ADCY3: variants seen among roughly 807,000 people sequenced by gnomAD.
ADCY3 encodes the protein adenylate cyclase type 3.
In ADCY3, 70 loss-of-function variants were observed where a neutral mutation model predicts 119.4. The ratio of observed to expected loss-of-function variants is 0.59; its 90% CI spans 0.48 to 0.72. The LOEUF is 0.72. Among genes scored for constraint, ADCY3 ranks in the 30% least tolerant of loss-of-function variants. The pLI, the probability that ADCY3 is intolerant of heterozygous loss-of-function variation, is 0.00. For missense variants in ADCY3, 1,238 were observed against 1,541.6 expected (o/e 0.80, Z 3.30); for synonymous variants, 672 against 621.4 (o/e 1.08, Z -1.21).
chr2:24,828,203 ACAG>A, intron 13 of ADCY3, 42 bp from the exon 14 acceptor site: 2 of 1,604,746 alleles, frequency 1.2e-6, no homozygotes, highest in Non-Finnish European at 8.5e-7. Flanking sequence ...GTTCAAGAGA[ACAG>A]CAGGTGCTGG....
At chr2:24,835,693 T>C (rs1487453266) in intron 9 of ADCY3, among the ~76,000 whole-genome samples, 1 of 152,120 alleles carries the variant, frequency 6.6e-6, no homozygotes, top group African/African-American at 2.4e-5. Flanking sequence ...CCCAGCACTC[T>C]GGGAGGCTGA....
At chr2:24,856,129 CGA>C (rs1004156480) in intron 3 of ADCY3, among the ~76,000 whole-genome samples, 3 of 152,128 alleles carry the variant, frequency 2.0e-5, no homozygotes, top group Admixed American at 6.5e-5. Context: ...ACAGTTAGGT[CGA>C]GAGAGACCCA....
At chr2:24,821,044 G>C in intron 20 of ADCY3, 196 bp from the exon 21 acceptor site, 1 of 702,358 alleles carries the variant, frequency 1.4e-6, no homozygotes, top group Non-Finnish European at 2.2e-6. Flanking sequence ...GGTGTCAGCC[G>C]CCACCCCCCC....
intron 11 of ADCY3, chr2:24,832,177 C>A: frequency 4.9e-6 from 1 of 203,310 alleles, no homozygotes. Flanking sequence ...CCGTGCAGAA[C>A]AGGACAAAGG....
chr2:24,836,705 T>C (rs1558428816), intron 9 of ADCY3, among the ~76,000 whole-genome samples: 1 of 152,158 alleles, frequency 6.6e-6, no homozygotes, highest in Non-Finnish European at 1.5e-5. Flanking sequence ...CTTTTGACCT[T>C]ACTCACCCCG....
intron 3 of ADCY3, among the ~76,000 whole-genome samples, chr2:24,870,127 C>T (rs1674789965): frequency 6.7e-6 from 1 of 149,620 alleles, no homozygotes; most frequent in African/African-American, 2.5e-5. Context: ...GCCTGGCCAA[C>T]ATGGTGAAAC....
At chr2:24,887,115 C>G (rs1677118274) in intron 2 of ADCY3, among the ~76,000 whole-genome samples, 1 of 152,174 alleles carries the variant, frequency 6.6e-6, no homozygotes, top group South Asian at 2.1e-4. Context: ...CTGGGAAGGC[C>G]TCAGGAAATT....
chr2:24,871,182 C>A (rs564495379), intron 3 of ADCY3, among the ~76,000 whole-genome samples: 3 of 150,166 alleles, frequency 2.0e-5, no homozygotes, highest in Non-Finnish European at 3.0e-5. Flanking sequence ...CTCCACAGTG[C>A]GAGATCAGAT....
intron 11 of ADCY3, among the ~76,000 whole-genome samples, chr2:24,833,954 G>A (rs1007047050): frequency 6.6e-6 from 1 of 152,114 alleles, no homozygotes; most frequent in Non-Finnish European, 1.5e-5. Context: ...GCCGAGGGGA[G>A]AAAGGGAGAA....
intron 2 of ADCY3, among the ~76,000 whole-genome samples, chr2:24,893,021 A>ATTTTT (rs1677867981): frequency 6.9e-6 from 1 of 145,150 alleles, no homozygotes; most frequent in Non-Finnish European, 1.5e-5. Flanking sequence ...TTTACTTTTA[A>ATTTTT]TCTATGTGTC....
intron 12 of ADCY3, 126 bp from the exon 13 acceptor site, chr2:24,830,951 G>T: frequency 2.7e-6 from 2 of 729,724 alleles, no homozygotes; most frequent in Non-Finnish European, 2.4e-6. Flanking sequence ...CTCTGCCTGG[G>T]AGTCACCTGA....
At chr2:24,881,546 ATGCGTCT>A (rs1362268361) in intron 2 of ADCY3, among the ~76,000 whole-genome samples, 1 of 152,188 alleles carries the variant, frequency 6.6e-6, no homozygotes. Context: ...GCAGCTCCTG[ATGCGTCT>A]GTGTGTATCT....
At chr2:24,883,393 G>C (rs904095650) in intron 2 of ADCY3, among the ~76,000 whole-genome samples, 1 of 151,996 alleles carries the variant, frequency 6.6e-6, no homozygotes, top group African/African-American at 2.4e-5. Context: ...AGGATGTGCA[G>C]CTCGATTCTG....
chr2:24,847,265 G>C (rs949309870), intron 3 of ADCY3, among the ~76,000 whole-genome samples: 1 of 152,154 alleles, frequency 6.6e-6, no homozygotes, highest in Non-Finnish European at 1.5e-5. Context: ...CTTGCTGCCA[G>C]CATGTAAGAA....
chr2:24,841,151 A>C lies in ADCY3; in HGVS notation c.1196+108T>G, dbSNP rs1670953035. 1 of 1,275,100 alleles carries C rather than the reference A, an allele frequency of 7.8e-7. No individual in the cohort carries two copies. Among genetic ancestry groups the C allele is most frequent in the Non-Finnish European group, 1.0e-6 (1 of 952,994 alleles). 79.0% of individuals were successfully genotyped at this position (1,275,100 alleles called of 1,614,324 possible). ...CTGTGTCCCAGTCTCTGCTTCCAGCAGATCCCCCACCCAGGGGCCATGGCC... is the reference window on the plus strand; with the variant it reads ...CTGTGTCCCAGTCTCTGCTTCCAGCCGATCCCCCACCCAGGGGCCATGGCC... On this transcript the variant is annotated intron_variant, in intron 6 of 21. Transcript: ENST00000679454. The surrounding 1 kb of genome is among the most constrained non-coding windows in gnomAD (Gnocchi z 5.8).
chr2:24,874,765 G>A (rs1041670356), intron 2 of ADCY3, among the ~76,000 whole-genome samples: 2 of 152,242 alleles, frequency 1.3e-5, no homozygotes, highest in African/African-American at 4.8e-5. Context: ...CCCAGCCGGT[G>A]AGGGGCAGGA....
In ADCY3 at chr2:24,849,945, T is replaced by G. The variant is rs540374147; in HGVS notation, c.826-7561A>C. Among the ~76,000 whole-genome samples, 3 of 152,256 alleles carry G rather than the reference T, an allele frequency of 2.0e-5. No individual in the cohort carries two copies. The East Asian group carries it at 5.8e-4, about 29-fold the overall frequency. Reference sequence around the variant, plus strand: ...TGTGCGACACCATTGCCCAGCACCCTCAGTGGTGGCACTGACCTGTCTTTC... The same window carrying G: ...TGTGCGACACCATTGCCCAGCACCCGCAGTGGTGGCACTGACCTGTCTTTC... On this transcript the variant is annotated intron_variant, in intron 3 of 21. Coordinates refer to ENST00000679454, the MANE Select transcript of ADCY3 (RefSeq NM_004036.5).
Position 24,918,763 on chromosome 2 carries a change from G to A in ADCY3, c.225C>T (p.His75=). 6.2e-7 allele frequency: 1 copy of A among 1,614,060 alleles called. No homozygotes were observed. Among genetic ancestry groups the A allele is most frequent in the Non-Finnish European group, 8.5e-7 (1 of 1,180,032 alleles). The change falls in exon 2 of 22, where the codon CAC becomes CAT. Residue 75 remains histidine (H), a synonymous_variant. Coordinates refer to ENST00000679454, the MANE Select transcript of ADCY3 (RefSeq NM_004036.5). The surrounding 1 kb of genome is among the most constrained non-coding windows in gnomAD (Gnocchi z 5.4). Reference sequence around the variant, plus strand: ...AGACCACCAGCACCAGCAGGGTCTCGTGGCGCTGCCTTTTGAAGTAGGTCT... The same window carrying A: ...AGACCACCAGCACCAGCAGGGTCTCATGGCGCTGCCTTTTGAAGTAGGTCT... The part of the protein sequence containing the change: ...LYQTYFKRQR[H]ETLLVLVVFA...
Position 24,910,977 on chromosome 2 carries a change from T to C in ADCY3, c.675+7336A>G, listed in dbSNP as rs1374054513. On this transcript the variant is annotated intron_variant, in intron 2 of 21. Transcript: ENST00000679454. ...TTTCTTGATGAGTTGGTCACCATTA[T>C]GCACATCAGTTACTATGCTGTCCTA... Among the ~76,000 whole-genome samples the C allele has an allele frequency of 3.3e-5, 5 of 152,136 alleles. No homozygotes were observed. In the East Asian group the frequency reaches 5.8e-4, roughly 18 times the overall value.
Sources: gnomAD v4.1 joint callset for allele counts (sites outside exome capture counted in the v4.1 genomes callset) on GRCh38, gnomAD v4.1.1 for gene constraint, Gnocchi (gnomAD v3.1) non-coding constraint, MANE v1.5 for transcripts, NCBI Gene and HGNC (gene_info 2026-07-23, HGNC 2026-07-21) for gene names.